Variants in MAP3K14 observed in about 807,000 individuals in gnomAD.
MAP3K14 encodes the protein mitogen-activated protein kinase kinase kinase 14.
Under a neutral mutation model 99.2 loss-of-function variants are expected in MAP3K14, and 16 were observed. The observed-to-expected ratio is 0.16, with a 90% CI of 0.11 to 0.24. MAP3K14 has a LOEUF of 0.24. MAP3K14 is among the 10% of genes least tolerant of loss of function. MAP3K14 has a pLI of 1.00. For missense variants in MAP3K14, 784 were observed against 1,208.7 expected, an observed-to-expected ratio of 0.65 and a Z score of 5.21; for synonymous variants, 462 against 492.4, an observed-to-expected ratio of 0.94 and a Z score of 0.82.
chr17:45,279,133 GTAT>G (rs2044200675), intron 6 of MAP3K14, among the ~76,000 whole-genome samples: 1 of 152,010 alleles, frequency 6.6e-6, no homozygotes, highest in Non-Finnish European at 1.5e-5. Context: ...GTTTTCTTTG[GTAT>G]TCTTTTTTTT....
chr17:45,289,370 G>T, intron 2 of MAP3K14, 65 bp from the exon 3 acceptor site: 1 of 1,335,932 alleles, frequency 7.5e-7, no homozygotes, highest in East Asian at 2.3e-5. Flanking sequence ...TTAGGGGAGA[G>T]ACATTTTACA....
At position 45,267,668 on chromosome 17, in the gene MAP3K14, G is replaced by A; in HGVS notation, c.2064C>T (p.Ala688=). 1 of 1,613,932 alleles carries A rather than the reference G, an allele frequency of 6.2e-7. No individual in the cohort carries two copies. The highest frequency in any genetic ancestry group is 1.1e-5 in the South Asian group (1 of 91,086). The change falls in exon 12 of 16, where the codon GCC becomes GCT. Residue 688 remains alanine (A), a synonymous_variant. Transcript: ENST00000344686. This position sits in a 1 kb window ranked among gnomAD's most constrained non-coding sequence, Gnocchi z 5.1. ...NQANYHQTLH[A]QPRELSPRAP... ...CCCTTGGCGAAAGCTCTCTCGGCTG[G>A]GCATGGAGGGTCTGGTGGTAATTGG...
intron 3 of MAP3K14, 151 bp downstream of exon 3, chr17:45,289,085 G>C: frequency 1.6e-6 from 1 of 622,392 alleles, no homozygotes; most frequent in South Asian, 2.1e-5. Flanking sequence ...GAGCGGCTCA[G>C]CCAGGAAAGC....
At position 45,270,461 on chromosome 17, in the gene MAP3K14, C is replaced by G. The variant is rs1428155711; in HGVS notation, c.1924G>C (p.Val642Leu). 1.2e-6 allele frequency: 2 copies of G among 1,612,262 alleles called. No homozygotes were observed. The highest frequency in any genetic ancestry group is 4.5e-5 in the East Asian group (2 of 44,766). ...EGLRKEPIHR[V>L]SAAELGGKVN... ...TTCCCTCCCAGCTCCGCTGCAGACA[C>G]GCGGTGGATGGGCTCTTTCCTCAGC... The change falls in exon 11 of 16, where the codon GTG becomes CTG. Residue 642 changes from valine (V) to leucine (L), a missense_variant. Physicochemically the swap from Val to Leu is conservative, Grantham distance 32. Transcript: ENST00000344686.
chr17:45,279,590 T>C (rs889649764), intron 6 of MAP3K14, among the ~76,000 whole-genome samples: 1 of 151,914 alleles, frequency 6.6e-6, no homozygotes, highest in Non-Finnish European at 1.5e-5. Context: ...GCCTGGCTAA[T>C]TTTTTGGTAT....
At chr17:45,289,151 G>GCGGGAGGGAGCCCGGGGTCAT in intron 3 of MAP3K14, 85 bp downstream of exon 3, 1 of 1,232,110 alleles carries the variant, frequency 8.1e-7, no homozygotes, top group South Asian at 1.3e-5. Context: ...CCCGGGGTCA[G>GCGGGAGGGAGCCCGGGGTCAT]CAGGAGCGGC....
intron 1 of MAP3K14, among the ~76,000 whole-genome samples, chr17:45,293,835 A>G (rs1168882166): frequency 6.6e-6 from 1 of 152,050 alleles, no homozygotes; most frequent in Non-Finnish European, 1.5e-5. Flanking sequence ...ACACACACAC[A>G]TGCACACACA....
chr17:45,286,915 C>A lies in MAP3K14; in HGVS notation c.668G>T (p.Arg223Leu). ...GCTGATCAGTTTGTGGAGTTCTGAT[C>A]GAGGCAGAGCCGGCCGTAGGCCCTC... is the stretch of plus-strand genomic sequence containing the variant. ...LGEGLRPALP[R>L]SELHKLISPL... The change falls in exon 5 of 16, where the codon CGA becomes CTA. Residue 223 changes from arginine (R) to leucine (L), a missense_variant. By Grantham distance (102) the Arg-to-Leu change is moderately radical (BLOSUM62 -2). Transcript: ENST00000344686. This position sits in a 1 kb window ranked among gnomAD's most constrained non-coding sequence, Gnocchi z 4.1. The A allele has an allele frequency of 6.2e-7, 1 of 1,614,022 alleles. No homozygotes were observed. The highest frequency in any genetic ancestry group is 8.5e-7 in the Non-Finnish European group (1 of 1,179,888).
At chr17:45,276,193 C>A (rs1772571366) in intron 6 of MAP3K14, among the ~76,000 whole-genome samples, 1 of 152,130 alleles carries the variant, frequency 6.6e-6, no homozygotes, top group Admixed American at 6.5e-5. Context: ...TGGCCAAGGC[C>A]ACTCCCACTG....
chr17:45,266,771 C>T, intron 13 of MAP3K14, 90 bp from the exon 14 acceptor site: 1 of 1,383,832 alleles, frequency 7.2e-7, no homozygotes, highest in Non-Finnish European at 9.8e-7. Context: ...AGGGGCACTG[C>T]TCATGCCCTC....
At position 45,278,360 on chromosome 17, in the gene MAP3K14, G is replaced by C. The variant is rs191666814; in HGVS notation, c.1291-3767C>G. Among the ~76,000 whole-genome samples, 17 of 152,266 alleles carry C rather than the reference G, an allele frequency of 1.1e-4. No individual in the cohort carries two copies. The East Asian group carries it at 3.1e-3, about 28-fold the overall frequency. ...GCCCGTCTGGCCACCCCTCCTCTCT[G>C]AACTTCCGTGTTCCTCATCCGTAAA... On this transcript the variant is annotated intron_variant, in intron 6 of 15. Transcript: ENST00000344686.
intron 1 of MAP3K14, among the ~76,000 whole-genome samples, chr17:45,295,441 G>A (rs768136082): frequency 4.6e-5 from 7 of 152,124 alleles, no homozygotes; most frequent in Non-Finnish European, 7.4e-5. Flanking sequence ...TTGGAAACCA[G>A]CGGCCTAGGA....
At chr17:45,278,704 G>C (rs1467894906) in intron 6 of MAP3K14, among the ~76,000 whole-genome samples, 1 of 148,456 alleles carries the variant, frequency 6.7e-6, no homozygotes, top group Non-Finnish European at 1.5e-5. Flanking sequence ...TTTGAGACAA[G>C]GTCTCCCTTG....
Position 45,316,595 on chromosome 17 carries a change from G to A in MAP3K14, c.-21+365C>T, listed in dbSNP as rs941847393. On this transcript the variant is annotated intron_variant, in intron 1 of 15. Transcript: ENST00000344686. ...AGGAGACACGTCCGCCCCGCGGCAG[G>A]CGAGCTCCATCCTGGGGGCACTGGG... Among the ~76,000 whole-genome samples the A allele has an allele frequency of 2.6e-5, 4 of 152,338 alleles. No homozygotes were observed. The East Asian group carries it at 7.7e-4, about 29-fold the overall frequency.
intron 1 of MAP3K14, among the ~76,000 whole-genome samples, chr17:45,300,042 T>C (rs775540879): frequency 6.6e-6 from 1 of 152,046 alleles, no homozygotes; most frequent in South Asian, 2.1e-4. Flanking sequence ...TGAGCCGAGA[T>C]CGCGCCACTG....
intron 1 of MAP3K14, among the ~76,000 whole-genome samples, chr17:45,296,696 A>C (rs1201146340): frequency 6.8e-6 from 1 of 148,074 alleles, no homozygotes; most frequent in Non-Finnish European, 1.5e-5. Flanking sequence ...CCCTTCCCCC[A>C]GTTTGTTCCA....
chr17:45,293,243 C>G (rs2044324518), intron 1 of MAP3K14, among the ~76,000 whole-genome samples: 2 of 152,202 alleles, frequency 1.3e-5, no homozygotes, highest in South Asian at 4.1e-4. Context: ...GCAGTTGCTG[C>G]TCTGAGGGGC....
chr17:45,290,924 AAC>A, intron 1 of MAP3K14, 159 bp from the exon 2 acceptor site: 1 of 647,238 alleles, frequency 1.5e-6, no homozygotes, highest in Non-Finnish European at 2.7e-6. Context: ...CCTCAATGGT[AAC>A]AGAGTCCACC....
chr17:45,290,255 C>T (rs1483461531), intron 2 of MAP3K14, among the ~76,000 whole-genome samples: 1 of 152,192 alleles, frequency 6.6e-6, no homozygotes, highest in Non-Finnish European at 1.5e-5. Context: ...TCTGTTACCT[C>T]TCTTCCCCTG....
Sources: allele counts gnomAD v4.1 joint callset (sites outside exome capture counted in the v4.1 genomes callset), GRCh38; gene constraint gnomAD v4.1.1; non-coding constraint Gnocchi (gnomAD v3.1); transcripts MANE v1.5; gene names NCBI Gene and HGNC (gene_info 2026-07-23, HGNC 2026-07-21).